Variants in CSMD3 observed in about 807,000 individuals in gnomAD.
CSMD3 encodes the protein CUB and Sushi multiple domains 3.
In CSMD3, 177 loss-of-function variants were observed where a neutral mutation model predicts 435.2. The ratio of observed to expected loss-of-function variants is 0.41; its 90% CI spans 0.36 to 0.46. CSMD3 has a LOEUF of 0.46. CSMD3 is among the 20% of genes least tolerant of loss of function. The pLI is 0.34. For missense variants in CSMD3, 4,265 were observed against 4,504.6 expected (o/e 0.95, Z 1.52); for synonymous variants, 1,656 against 1,520.5 (o/e 1.09, Z -2.07).
chr8:112,974,347 G>T (rs192761586), intron 7 of CSMD3, among the ~76,000 whole-genome samples: 1 of 151,782 alleles, frequency 6.6e-6, no homozygotes, highest in East Asian at 1.9e-4. Context: ...AGTAGAAATT[G>T]TATTATTAGT....
intron 7 of CSMD3, among the ~76,000 whole-genome samples, chr8:112,969,968 AG>A (rs1375476937): frequency 6.6e-6 from 1 of 152,082 alleles, no homozygotes; most frequent in East Asian, 1.9e-4. Flanking sequence ...ACTTAATGAA[AG>A]ACCACATATC....
intron 1 of CSMD3, among the ~76,000 whole-genome samples, chr8:113,413,632 A>G (rs546725329): frequency 6.6e-6 from 1 of 152,320 alleles, no homozygotes; most frequent in South Asian, 2.1e-4. Context: ...ATACTATACA[A>G]AAGAAGGCAA....
chr8:113,067,382 G>A (rs906176833), intron 5 of CSMD3, among the ~76,000 whole-genome samples: 3 of 152,032 alleles, frequency 2.0e-5, no homozygotes, highest in Non-Finnish European at 4.4e-5. Flanking sequence ...CAATCCTACT[G>A]AGAGCAGACT....
intron 32 of CSMD3, among the ~76,000 whole-genome samples, chr8:112,443,132 T>C (rs945644310): frequency 2.2e-4 from 34 of 152,208 alleles, no homozygotes; most frequent in African/African-American, 9.6e-5. Flanking sequence ...TAGAAACTTA[T>C]GTAAAGTGCA....
chr8:112,849,102 C>T (rs567147703), intron 11 of CSMD3, among the ~76,000 whole-genome samples: 86 of 152,044 alleles, frequency 5.7e-4, no homozygotes, highest in African/African-American at 2.0e-3. Flanking sequence ...TTATTTCTTC[C>T]GACAATTAAG....
At chr8:113,319,649 G>A (rs2093935529) in intron 1 of CSMD3, among the ~76,000 whole-genome samples, 2 of 151,934 alleles carry the variant, frequency 1.3e-5, no homozygotes, top group Admixed American at 1.3e-4. Context: ...ATGTCAAGAA[G>A]CTAAAAGGCA....
chr8:113,267,815 T>C lies in CSMD3; in HGVS notation c.514+10777A>G, dbSNP rs1298149468. 4.0e-5 allele frequency among the ~76,000 whole-genome samples: 6 copies of C among 151,744 alleles called. No homozygotes were observed. The East Asian group carries it at 1.2e-3, about 29-fold the overall frequency. On this transcript the variant is annotated intron_variant, in intron 3 of 70. Coordinates refer to ENST00000297405, the MANE Select transcript of CSMD3 (RefSeq NM_198123.2). ...CACGTATCTCATGAATTTGCACAAATAAAAAATAAAGAAAATGCAAAACTA... is the reference window on the plus strand; with the variant it reads ...CACGTATCTCATGAATTTGCACAAACAAAAAATAAAGAAAATGCAAAACTA...
At chr8:113,398,457 A>G (rs921885260) in intron 1 of CSMD3, among the ~76,000 whole-genome samples, 3 of 152,074 alleles carry the variant, frequency 2.0e-5, no homozygotes, top group Non-Finnish European at 4.4e-5. Flanking sequence ...TCCCTAGTTT[A>G]TTTTTACTTT....
intron 4 of CSMD3, among the ~76,000 whole-genome samples, chr8:113,150,681 G>A (rs1028692334): frequency 3.9e-5 from 6 of 151,932 alleles, no homozygotes; most frequent in Non-Finnish European, 8.8e-5. Context: ...GAAAGGACAA[G>A]ATTTTCATGT....
intron 5 of CSMD3, among the ~76,000 whole-genome samples, chr8:113,040,225 C>T (rs538001589): frequency 1.1e-4 from 16 of 152,160 alleles, no homozygotes; most frequent in Admixed American, 9.8e-4. Flanking sequence ...CTCTGTAACT[C>T]GAGTGGAGTG....
At chr8:112,386,939 C>G (rs1210204959) in intron 36 of CSMD3, among the ~76,000 whole-genome samples, 2 of 152,194 alleles carry the variant, frequency 1.3e-5, no homozygotes, top group Non-Finnish European at 2.9e-5. Context: ...TATCATATAA[C>G]TGTTCAAATT....
In CSMD3 at chr8:112,224,484, A is replaced by C. The variant is rs1296707891; in HGVS notation, c.*287T>G. ...AATACTGATAGTGGATGCTCCTCCA[A>C]TATATGCAAATAAGTTTATATTTTA... is the stretch of plus-strand genomic sequence containing the variant. On this transcript the variant is annotated 3_prime_UTR_variant, in exon 71 of 71. Coordinates refer to ENST00000297405, the MANE Select transcript of CSMD3 (RefSeq NM_198123.2). 4.7e-6 allele frequency: 2 copies of C among 422,638 alleles called. No individual in the cohort carries two copies. Among genetic ancestry groups the C allele is most frequent in the African/African-American group, 4.0e-5 (2 of 49,644 alleles). 26.2% of individuals were successfully genotyped at this position (422,638 alleles called of 1,614,324 possible). A position where few individuals can be genotyped will look rare whatever the true frequency, so the allele number is the denominator to read the frequency against.
chr8:112,296,021 A>G lies in CSMD3; in HGVS notation c.8441-15T>C, dbSNP rs1404130462. The G allele has an allele frequency of 1.9e-6, 3 of 1,594,380 alleles. No homozygotes were observed. Among genetic ancestry groups the G allele is most frequent in the African/African-American group, 2.7e-5 (2 of 74,628 alleles). ...ACAATGACCCGCTGAAATACGTTAT[A>G]AAGTAATATTTTTAATACTGTGATT... On this transcript the variant is annotated splice_polypyrimidine_tract_variant and intron_variant, in intron 53 of 70. Transcript: ENST00000297405.
intron 38 of CSMD3, among the ~76,000 whole-genome samples, chr8:112,376,819 TC>T (rs1391504194): frequency 6.6e-6 from 1 of 152,138 alleles, no homozygotes; most frequent in African/African-American, 2.4e-5. Flanking sequence ...AGTTTCAGGA[TC>T]TATACTCAGT....
At chr8:112,410,155 T>C (rs974603257) in intron 32 of CSMD3, among the ~76,000 whole-genome samples, 7 of 151,870 alleles carry the variant, frequency 4.6e-5, no homozygotes, top group Non-Finnish European at 8.8e-5. Flanking sequence ...GGTATACACA[T>C]AATATGGCAA....
At chr8:112,709,978 TAATA>T (rs1283189406) in intron 13 of CSMD3, among the ~76,000 whole-genome samples, 1 of 152,064 alleles carries the variant, frequency 6.6e-6, no homozygotes, top group Non-Finnish European at 1.5e-5. Context: ...ATAAGCCCTT[TAATA>T]GTCTCAAAAT....
chr8:112,684,208 C>T (rs1372572148), intron 15 of CSMD3, among the ~76,000 whole-genome samples: 1 of 151,900 alleles, frequency 6.6e-6, no homozygotes, highest in African/African-American at 2.4e-5. Flanking sequence ...TATCTTTAGA[C>T]ATGTACATGA....
rs777147455 is a variant in CSMD3, at chr8:112,408,384, G to T, written c.5539C>A (p.Gln1847Lys). ...GESLPLSSGN[Q>K]ITIRFTSVGP... ...ACTGAAGTAAATCGAATTGTGATCT[G>T]ATTACCTGAACTCAGTGGAAGTGAT... Residue 1847 changes from glutamine (Q) to lysine (K), a missense_variant, in exon 34 of 71, where the codon CAG becomes AAG. Gln to Lys is a moderately conservative substitution (Grantham distance 53, BLOSUM62 1). This residue lies in a region of CSMD3 where 3,255 missense variants were observed against 3,380.2 expected (regional missense o/e 0.96). Transcript: ENST00000297405. 55 of 1,610,250 alleles carry T rather than the reference G, an allele frequency of 3.4e-5. 1 individual carries two copies. In the South Asian group the frequency reaches 5.9e-4, roughly 17 times the overall value.
intron 28 of CSMD3, among the ~76,000 whole-genome samples, chr8:112,514,383 C>G (rs768869007): frequency 3.3e-5 from 5 of 152,054 alleles, no homozygotes; most frequent in Non-Finnish European, 7.4e-5. Context: ...CCCATCTAAC[C>G]ATAAAGCATT....
Sources: allele counts gnomAD v4.1 joint callset (sites outside exome capture counted in the v4.1 genomes callset), GRCh38; gene constraint gnomAD v4.1.1; regional missense constraint gnomAD v4.1.1; transcripts MANE v1.5; gene names NCBI Gene and HGNC (gene_info 2026-07-23, HGNC 2026-07-21).